Variants in CLVS1 observed in about 807,000 individuals in gnomAD.
CLVS1 encodes the protein clavesin 1.
A neutral mutation model predicts 33.1 loss-of-function variants in CLVS1; 10 were observed. The observed-to-expected ratio is 0.30, with a 90% CI of 0.19 to 0.51. CLVS1 has a LOEUF of 0.51. CLVS1 is among the 20% of genes least tolerant of loss of function. The pLI is 0.97. For missense variants in CLVS1, 343 were observed against 433.4 expected, an observed-to-expected ratio of 0.79 and a Z score of 1.85; for synonymous variants, 163 against 166.1, an observed-to-expected ratio of 0.98 and a Z score of 0.14.
chr8:61,276,044 G>T (rs759216467), intron 2 of CLVS1, among the ~76,000 whole-genome samples: 57 of 152,298 alleles, frequency 3.7e-4, no homozygotes, highest in Non-Finnish European at 7.2e-4. Flanking sequence ...GGTTTCGTTT[G>T]TGAAATTCTG....
rs1367292534 is a variant in CLVS1 at position 61,288,285 on chromosome 8, A to ACCGCACC, written c.-152+152_-152+158dup. The ACCGCACC allele has an allele frequency of 9.2e-5, 42 of 455,548 alleles. 1 individual carries two copies. The highest frequency in any genetic ancestry group is 8.4e-4 in the African/African-American group (42 of 49,906). 28.2% of individuals were successfully genotyped at this position (455,548 alleles called of 1,614,324 possible). ...TCCCTCTGCACTCCATCCCTCCCGC[A>ACCGCACC]CCGCACCCCGCTCCCCGCCGCCTCC... On this transcript the variant is annotated intron_variant, in intron 1 of 5. Coordinates refer to ENST00000325897, the MANE Select transcript of CLVS1 (RefSeq NM_173519.3).
intron 2 of CLVS1, among the ~76,000 whole-genome samples, chr8:61,266,675 G>A (rs1809309487): frequency 6.6e-6 from 1 of 152,168 alleles, no homozygotes; most frequent in Non-Finnish European, 1.5e-5. Flanking sequence ...TTACAGATCA[G>A]TGTTGTCCCT....
intron 2 of CLVS1, among the ~76,000 whole-genome samples, chr8:61,167,772 C>G (rs1806909311): frequency 6.6e-6 from 1 of 152,174 alleles, no homozygotes; most frequent in South Asian, 2.1e-4. Context: ...CCGGCTAAAA[C>G]CCACCAAAAC....
chr8:61,476,200 C>A, intron 5 of CLVS1, among the ~76,000 whole-genome samples: 1 of 152,158 alleles, frequency 6.6e-6, no homozygotes, highest in Non-Finnish European at 1.5e-5. Flanking sequence ...GTTACTGTAG[C>A]CTTGTAGCAT....
intron 5 of CLVS1, among the ~76,000 whole-genome samples, chr8:61,488,068 G>A (rs1042518352): frequency 4.6e-5 from 7 of 152,156 alleles, no homozygotes; most frequent in Admixed American, 1.3e-4. Flanking sequence ...TGTTCAAAGC[G>A]GGTGGTGTAA....
At chr8:61,400,454 G>T (rs371103240) in intron 3 of CLVS1, among the ~76,000 whole-genome samples, 1 of 152,128 alleles carries the variant, frequency 6.6e-6, no homozygotes, top group Admixed American at 6.6e-5. Context: ...GCATTTTCTA[G>T]ATATAAGATT....
intron 2 of CLVS1, among the ~76,000 whole-genome samples, chr8:61,371,909 T>G (rs1254655622): frequency 6.6e-6 from 1 of 152,168 alleles, no homozygotes; most frequent in Non-Finnish European, 1.5e-5. Context: ...ATAAAATCCT[T>G]TATGGGGAAA....
Position 61,485,791 on chromosome 8 carries a change from T to C in CLVS1, c.978-13664T>C, listed in dbSNP as rs574329352. ...TAAAAAATGATGAGTTCATGTCCTT[T>C]GTAGGAACATGGATGAAGCTAGAAA... On this transcript the variant is annotated intron_variant, in intron 5 of 5. Transcript: ENST00000325897. 7.9e-3 allele frequency among the ~76,000 whole-genome samples: 1,211 copies of C among 152,338 alleles called. 11 individuals carry two copies. Among genetic ancestry groups the C allele is most frequent in the African/African-American group, 0.028 (1,161 of 41,580 alleles).
In CLVS1 at chr8:61,068,990, G is replaced by A. The variant is rs531100429; in HGVS notation, c.-243+11760G>A. Among the ~76,000 whole-genome samples the A allele has an allele frequency of 6.1e-4, 93 of 151,860 alleles. No homozygotes were observed. The Middle Eastern group carries it at 0.014, about 22-fold the overall frequency. On this transcript the variant is annotated intron_variant, in intron 1 of 2. Transcript: ENST00000522621. ...TGAGGAATTCTTTTTTTTTTAGATG[G>A]AGTTTCATTCTTGTTGTCCAGGCTG...
intron 2 of CLVS1, among the ~76,000 whole-genome samples, chr8:61,156,674 A>G (rs6987126): frequency 0.078 from 11,902 of 152,220 alleles, 702 homozygotes; most frequent in African/African-American, 0.14. Flanking sequence ...TGGAAGGAAA[A>G]TTTTTAAACA....
At chr8:61,142,412 G>T (rs1230937324) in intron 2 of CLVS1, among the ~76,000 whole-genome samples, 1 of 152,168 alleles carries the variant, frequency 6.6e-6, no homozygotes, top group Admixed American at 6.5e-5. Flanking sequence ...GTCTCAGGTA[G>T]TTCTTTATAG....
chr8:61,369,578 T>C (rs1002588671), intron 2 of CLVS1, among the ~76,000 whole-genome samples: 5 of 152,196 alleles, frequency 3.3e-5, no homozygotes, highest in African/African-American at 1.2e-4. Flanking sequence ...ATGAAAACAG[T>C]GACTAAGAGG....
chr8:61,020,301 A>G, the CLVS1 span, among the ~76,000 whole-genome samples: 1 of 152,218 alleles, frequency 6.6e-6, no homozygotes, highest in African/African-American at 2.4e-5. Flanking sequence ...CTTTTTGGAA[A>G]CATTTCAGTC....
the CLVS1 span, among the ~76,000 whole-genome samples, chr8:60,967,942 T>C: frequency 6.6e-6 from 1 of 152,058 alleles, no homozygotes; most frequent in Non-Finnish European, 1.5e-5. Context: ...TCATTTAATT[T>C]AATTTATTTA....
intron 2 of CLVS1, among the ~76,000 whole-genome samples, chr8:61,194,790 T>C (rs948070692): frequency 1.3e-5 from 2 of 151,808 alleles, no homozygotes; most frequent in Admixed American, 1.3e-4. Context: ...GAGGCTCATA[T>C]GAAACATTTT....
chr8:61,142,800 C>T (rs1228125531), intron 2 of CLVS1, among the ~76,000 whole-genome samples: 2 of 152,114 alleles, frequency 1.3e-5, no homozygotes, highest in African/African-American at 4.8e-5. Context: ...AGGGATTGCT[C>T]CTTTCTGGTT....
the CLVS1 span, among the ~76,000 whole-genome samples, chr8:61,033,566 G>A: frequency 6.6e-6 from 1 of 152,186 alleles, no homozygotes; most frequent in Non-Finnish European, 1.5e-5. Context: ...GGGAGTGTGG[G>A]TGGGCCCTTT....
chr8:61,117,998 G>T (rs977926649), intron 1 of CLVS1, among the ~76,000 whole-genome samples: 9 of 152,220 alleles, frequency 5.9e-5, no homozygotes, highest in Admixed American at 3.9e-4. Context: ...AATCCATCTG[G>T]TCCTGGACTC....
the CLVS1 span, among the ~76,000 whole-genome samples, chr8:60,986,778 T>C: frequency 3.3e-5 from 5 of 152,308 alleles, 1 homozygote; most frequent in Middle Eastern, 3.4e-3. Flanking sequence ...ATCAATTATA[T>C]CCTGCCATAA....
Sources: allele counts gnomAD v4.1 joint callset (sites outside exome capture counted in the v4.1 genomes callset), GRCh38; gene constraint gnomAD v4.1.1; transcripts MANE v1.5; gene names NCBI Gene and HGNC (gene_info 2026-07-23, HGNC 2026-07-21).